The following TBCE variants were observed in gnomAD, a reference collection of about 807,000 sequenced individuals.
TBCE encodes the protein tubulin-specific chaperone E.
TBCE carries 53 observed loss-of-function variants against 77.0 expected under a neutral mutation model. The ratio of observed to expected loss-of-function variants is 0.69; its 90% CI spans 0.55 to 0.87. The LOEUF (loss-of-function observed/expected upper bound fraction) is 0.87. Ranked by LOEUF, TBCE falls within the 40% of genes least tolerant of loss-of-function variation. The probability of loss-of-function intolerance (pLI) is 0.00; values close to 1 mark genes in which losing one functional copy is unlikely to be tolerated. For synonymous variants in TBCE, 235 were observed against 241.3 expected (o/e 0.97, Z 0.24); for missense variants, 624 against 622.4 (o/e 1.00, Z -0.03).
chr1:235,371,911 TG>T (rs1361715056), intron 1 of TBCE, among the ~76,000 whole-genome samples: 1 of 152,122 alleles, frequency 6.6e-6, no homozygotes, highest in Non-Finnish European at 1.5e-5. Flanking sequence ...TGACCTCAGG[TG>T]ATCTGCCTGC....
intron 1 of TBCE, among the ~76,000 whole-genome samples, chr1:235,379,705 T>A (rs1185275846): frequency 6.6e-6 from 1 of 151,932 alleles, no homozygotes; most frequent in East Asian, 1.9e-4. Context: ...TTTTACCACT[T>A]TGGGAGACTG....
At chr1:235,370,450 A>T (rs1156591540) in intron 1 of TBCE, among the ~76,000 whole-genome samples, 2 of 149,796 alleles carry the variant, frequency 1.3e-5, no homozygotes, top group Admixed American at 1.3e-4. Context: ...ATGGGGTTTC[A>T]CCATCTTGGC....
intron 1 of TBCE, among the ~76,000 whole-genome samples, chr1:235,377,525 C>T (rs1008433304): frequency 6.6e-6 from 1 of 152,004 alleles, no homozygotes; most frequent in African/African-American, 2.4e-5. Context: ...ATTGAGAGGA[C>T]CTTATGCAGA....
chr1:235,403,825 C>G (rs899034175), intron 3 of TBCE, among the ~76,000 whole-genome samples: 6 of 152,164 alleles, frequency 3.9e-5, no homozygotes. Context: ...GTATACTTAA[C>G]AAACCTGCGT....
chr1:235,372,664 T>C (rs550220947), intron 1 of TBCE, among the ~76,000 whole-genome samples: 93 of 151,818 alleles, frequency 6.1e-4, no homozygotes, highest in African/African-American at 2.0e-3. Context: ...GTGGCTCACG[T>C]CTGTAATTCC....
At chr1:235,426,681 T>C (rs1340082754) in intron 5 of TBCE, among the ~76,000 whole-genome samples, 1 of 152,254 alleles carries the variant, frequency 6.6e-6, no homozygotes, top group African/African-American at 2.4e-5. Context: ...AGTCTCACTC[T>C]GTCACCCAGG....
chr1:235,394,905 A>C (rs916583640), intron 2 of TBCE, among the ~76,000 whole-genome samples: 1 of 151,538 alleles, frequency 6.6e-6, no homozygotes, highest in Non-Finnish European at 1.5e-5. Flanking sequence ...AGGTCTTCCT[A>C]TGGCGCCCAG....
At chr1:235,413,843 C>T (rs1461700641) in intron 3 of TBCE, 3 of 143,172 alleles carry the variant, frequency 2.1e-5, no homozygotes, top group African/African-American at 7.9e-5. Context: ...TATAATCCAC[C>T]TACGATTTTT....
chr1:235,438,778 G>C lies in TBCE; in HGVS notation c.1126G>C (p.Glu376Gln), dbSNP rs1375662910. The C allele has an allele frequency of 4.3e-6, 7 of 1,614,006 alleles. No homozygotes were observed. The highest frequency in any genetic ancestry group is 5.9e-6 in the Non-Finnish European group (7 of 1,180,026). ...KTLNKCEILP[E>Q]ERRRAELDYR... ...TGTCACATGAACATAGATTCTCCCC[G>C]AGGAGAGGCGGAGAGCTGAGCTTGA... is the stretch of plus-strand genomic sequence containing the variant. The change falls in exon 13 of 17, where the codon GAG (glutamate) becomes CAG (glutamine). Residue 376 changes from glutamate to glutamine, a missense_variant. Transcript: ENST00000642610.
Position 235,449,184 on chromosome 1 carries a change from C to T in TBCE, c.*422C>T. The T allele has an allele frequency of 4.0e-6, 1 of 247,296 alleles. No individual in the cohort carries two copies. Among genetic ancestry groups the T allele is most frequent in the East Asian group, 1.1e-4 (1 of 9,388 alleles). 15.3% of individuals were successfully genotyped at this position (247,296 alleles called of 1,614,324 possible). A position where few individuals can be genotyped will look rare whatever the true frequency, so the allele number is the denominator to read the frequency against. Reference sequence around the variant, plus strand: ...TGGTTGGTCATTTTGGGAAATGTCCCTTAAACTTGGGGAGACATCCTCTAC... The same window carrying T: ...TGGTTGGTCATTTTGGGAAATGTCCTTTAAACTTGGGGAGACATCCTCTAC... On this transcript the variant is annotated 3_prime_UTR_variant, in exon 17 of 17. Coordinates refer to ENST00000642610, the MANE Select transcript of TBCE (RefSeq NM_003193.5).
At chr1:235,441,647 CGTT>C in intron 13 of TBCE, 164 bp from the exon 14 acceptor site, 1 of 630,300 alleles carries the variant, frequency 1.6e-6, no homozygotes, top group Non-Finnish European at 2.8e-6. Flanking sequence ...TGGAAGTGGT[CGTT>C]GTCCATCACT....
At chr1:235,447,497 TTGTGTA>T (rs1286810299) in intron 15 of TBCE, among the ~76,000 whole-genome samples, 11 of 152,190 alleles carry the variant, frequency 7.2e-5, no homozygotes, top group African/African-American at 2.7e-4. Context: ...TGGCAGTCAC[TTGTGTA>T]TGTTTAATAC....
intron 13 of TBCE, among the ~76,000 whole-genome samples, chr1:235,440,374 T>C (rs1054095697): frequency 2.6e-4 from 40 of 152,194 alleles, no homozygotes; most frequent in African/African-American, 9.2e-4. Context: ...CACTCCAGTT[T>C]ATGTCTGAGG....
At chr1:235,394,211 A>T (rs1223274416) in intron 2 of TBCE, among the ~76,000 whole-genome samples, 1 of 151,834 alleles carries the variant, frequency 6.6e-6, no homozygotes, top group East Asian at 1.9e-4. Context: ...AGTAGCTGGA[A>T]ATACAGGCGC....
chr1:235,436,441 G>C lies in TBCE; in HGVS notation c.889G>C (p.Ala297Pro). The change falls in exon 10 of 17, where the codon GCT becomes CCT. Residue 297 changes from alanine to proline, a missense_variant. Ala to Pro is a conservative substitution (Grantham distance 27). Coordinates refer to ENST00000642610, the MANE Select transcript of TBCE (RefSeq NM_003193.5). Reference sequence around the variant, plus strand: ...AATTTCTTCTCTACATTTTCCGGATGCTGGAATTGGTATATAAGATTAGTA... The same window carrying C: ...AATTTCTTCTCTACATTTTCCGGATCCTGGAATTGGTATATAAGATTAGTA... Reference protein sequence around the residue: ...TGISSLHFPDAGIGCKTSMFP... With the variant: ...TGISSLHFPDPGIGCKTSMFP... 6.2e-7 allele frequency: 1 copy of C among 1,613,994 alleles called. No homozygotes were observed. Among genetic ancestry groups the C allele is most frequent in the Non-Finnish European group, 8.5e-7 (1 of 1,179,906 alleles).
At chr1:235,402,065 CTTTT>C (rs55848781) in intron 3 of TBCE, among the ~76,000 whole-genome samples, 2 of 134,872 alleles carry the variant, frequency 1.5e-5, no homozygotes, top group Non-Finnish European at 3.2e-5. Context: ...ATTTCTTTGT[CTTTT>C]TTTTTTTTTT....
At chr1:235,417,006 C>T (rs1680147466) in intron 4 of TBCE, among the ~76,000 whole-genome samples, 1 of 152,182 alleles carries the variant, frequency 6.6e-6, no homozygotes, top group Admixed American at 6.6e-5. Context: ...TGAGATCCTA[C>T]AATTAATGAT....
intron 2 of TBCE, among the ~76,000 whole-genome samples, chr1:235,398,597 C>T (rs372284557): frequency 2.0e-5 from 3 of 148,040 alleles, no homozygotes; most frequent in South Asian, 2.1e-4. Context: ...CATTGGATGA[C>T]GATGATGATT....
chr1:235,414,669 TC>T (rs1558373141), intron 4 of TBCE, 51 bp downstream of exon 4: 3 of 1,580,886 alleles, frequency 1.9e-6, no homozygotes, highest in Non-Finnish European at 2.6e-6. Context: ...TTATTAAGGT[TC>T]AGAATTGAAA....
Sources: gnomAD v4.1 joint callset for allele counts (sites outside exome capture counted in the v4.1 genomes callset) on GRCh38, gnomAD v4.1.1 for gene constraint, MANE v1.5 for transcripts, NCBI Gene and HGNC (gene_info 2026-07-23, HGNC 2026-07-21) for gene names.